Variants in SOX5 observed in about 807,000 individuals in gnomAD.
SOX5 encodes the protein SRY-box transcription factor 5.
Under a neutral mutation model 92.0 loss-of-function variants are expected in SOX5, and 9 were observed. The observed-to-expected ratio is 0.10, with a 90% CI of 0.06 to 0.17. The LOEUF (loss-of-function observed/expected upper bound fraction) is 0.17, where lower values mean the gene tolerates loss of function less well. SOX5 is among the 10% of genes least tolerant of loss of function. The pLI is 1.00. For synonymous variants in SOX5, 344 were observed against 336.3 expected (o/e 1.02, Z -0.25); for missense variants, 642 against 944.5 (o/e 0.68, Z 4.20).
At chr12:23,963,777 A>C (rs982691439) in intron 4 of SOX5, among the ~76,000 whole-genome samples, 3 of 151,476 alleles carry the variant, frequency 2.0e-5, no homozygotes, top group African/African-American at 7.3e-5. Context: ...AAAAAAAAAA[A>C]AAAAAACTGG....
At chr12:23,933,336 A>T (rs542674050) in intron 1 of SOX5, among the ~76,000 whole-genome samples, 4 of 151,732 alleles carry the variant, frequency 2.6e-5, no homozygotes, top group South Asian at 4.1e-4. Context: ...AGAGTCTGGT[A>T]CTATCCATGG....
intron 3 of SOX5, 113 bp from the exon 4 acceptor site, chr12:23,755,837 A>G: frequency 1.6e-6 from 1 of 613,694 alleles, no homozygotes; most frequent in Non-Finnish European, 2.8e-6. Flanking sequence ...CCCACTTCAT[A>G]ATGGCTTCAT....
intron 1 of SOX5, among the ~76,000 whole-genome samples, chr12:23,926,896 C>T (rs1257929619): frequency 1.3e-5 from 2 of 151,912 alleles, no homozygotes; most frequent in East Asian, 1.9e-4. Flanking sequence ...AAGCCTATCC[C>T]AGAGGACTTA....
chr12:24,556,030 G>A (rs1953746777), intron 1 of SOX5, among the ~76,000 whole-genome samples: 1 of 152,174 alleles, frequency 6.6e-6, no homozygotes, highest in Non-Finnish European at 1.5e-5. Context: ...TCCAATGGCT[G>A]ACTCTTATTT....
chr12:24,125,511 G>A lies in SOX5; in HGVS notation c.-2+87832C>T, dbSNP rs140959195. The stretch of plus-strand genomic sequence containing the variant: ...GCATGAAATAACATCTTGCCTCCCC[G>A]TCGTTACAGGTACCATTTTGCCCCT... On this transcript the variant is annotated intron_variant, in intron 4 of 4. Coordinates refer to the SOX5 transcript ENST00000446891. Among the ~76,000 whole-genome samples, 22 of 152,212 alleles carry A rather than the reference G, an allele frequency of 1.4e-4. 1 individual carries two copies. Among genetic ancestry groups the A allele is most frequent in the African/African-American group, 1.9e-4 (8 of 41,514 alleles).
intron 2 of SOX5, among the ~76,000 whole-genome samples, chr12:24,299,786 C>T (rs1947741744): frequency 6.6e-6 from 1 of 152,088 alleles, no homozygotes; most frequent in Non-Finnish European, 1.5e-5. Flanking sequence ...CGAAGCTCTG[C>T]ATCAAACAAA....
At chr12:24,415,423 T>C (rs1204994888) in intron 1 of SOX5, among the ~76,000 whole-genome samples, 1 of 150,634 alleles carries the variant, frequency 6.6e-6, no homozygotes, top group Non-Finnish European at 1.5e-5. Context: ...TATTTTAATG[T>C]TTTTTTTATA....
intron 6 of SOX5, among the ~76,000 whole-genome samples, chr12:23,670,051 G>A (rs549170299): frequency 1.2e-4 from 19 of 152,210 alleles, no homozygotes; most frequent in African/African-American, 4.1e-4. Flanking sequence ...GAGGAAAGGT[G>A]CCTATCGGCA....
At chr12:24,455,640 T>C (rs1008697810) in intron 1 of SOX5, among the ~76,000 whole-genome samples, 3 of 152,212 alleles carry the variant, frequency 2.0e-5, no homozygotes, top group Non-Finnish European at 2.9e-5. Context: ...AGCATTTCCC[T>C]AAACATCCCT....
At chr12:23,882,220 T>C (rs2097000713) in intron 2 of SOX5, among the ~76,000 whole-genome samples, 1 of 152,082 alleles carries the variant, frequency 6.6e-6, no homozygotes, top group Non-Finnish European at 1.5e-5. Context: ...AAGCCCCTCT[T>C]GCTGGTAACA....
chr12:24,545,673 G>A (rs1250758630), intron 1 of SOX5, among the ~76,000 whole-genome samples: 1 of 152,200 alleles, frequency 6.6e-6, no homozygotes, highest in Non-Finnish European at 1.5e-5. Context: ...CAGAAAGGTT[G>A]TTTGTAGTGG....
chr12:23,532,144 T>TACA lies in SOX5; in HGVS notation c.*2072_*2074dup, dbSNP rs1185749653. 1 of 151,366 alleles carries TACA rather than the reference T, an allele frequency of 6.6e-6. No individual in the cohort carries two copies. Among genetic ancestry groups the TACA allele is most frequent in the African/African-American group, 2.4e-5 (1 of 41,228 alleles). The allele number at this position is 151,366 out of a possible 1,614,324, so 9.4% of individuals were successfully genotyped here. A position where few individuals can be genotyped will look rare whatever the true frequency, so the allele number is the denominator to read the frequency against. ...ATTATTATTTTATCATCATCATCAT[T>TACA]ACAACACTAGCAAAAAGAGGCAGTT... On this transcript the variant is annotated 3_prime_UTR_variant, in exon 15 of 15. Coordinates refer to ENST00000451604, the MANE Select transcript of SOX5 (RefSeq NM_006940.6).
chr12:24,417,811 T>C (rs1421148733), intron 1 of SOX5, among the ~76,000 whole-genome samples: 1 of 152,140 alleles, frequency 6.6e-6, no homozygotes, highest in Non-Finnish European at 1.5e-5. Flanking sequence ...CAGGACACTC[T>C]CTGACCTGGA....
chr12:23,658,929 A>C (rs994242787), intron 7 of SOX5, among the ~76,000 whole-genome samples: 3 of 152,178 alleles, frequency 2.0e-5, no homozygotes, highest in African/African-American at 7.2e-5. Context: ...AACAAAAAAC[A>C]GAAGCCTAAA....
intron 1 of SOX5, among the ~76,000 whole-genome samples, chr12:24,500,119 C>T (rs4963766): frequency 0.28 from 41,839 of 151,886 alleles, 6,892 homozygotes; most frequent in East Asian, 0.71. Flanking sequence ...TGACATAGAG[C>T]TTTGTGTCAT....
intron 6 of SOX5, among the ~76,000 whole-genome samples, chr12:23,697,029 T>C (rs2089975545): frequency 6.6e-6 from 1 of 152,184 alleles, no homozygotes; most frequent in East Asian, 1.9e-4. Context: ...GCTTGCTAAA[T>C]ATTCTGTGTG....
intron 2 of SOX5, among the ~76,000 whole-genome samples, chr12:24,344,382 G>T (rs964419760): frequency 1.3e-5 from 2 of 150,530 alleles, no homozygotes; most frequent in Admixed American, 6.6e-5. Context: ...TGCTCTCATT[G>T]CTGCTTGGCC....
chr12:24,479,681 G>A lies in SOX5; in HGVS notation c.-251+82648C>T, dbSNP rs184626856. On this transcript the variant is annotated intron_variant, in intron 1 of 4. Transcript: ENST00000446891. ...TATTTATTCATTTTTTTTTTGGTGT[G>A]GGGGGACAGAGTCTCACTCTGTCGT... is the stretch of plus-strand genomic sequence containing the variant. Among the ~76,000 whole-genome samples, 627 of 150,490 alleles carry A rather than the reference G, an allele frequency of 4.2e-3. 9 individuals are homozygous for A. Among genetic ancestry groups the A allele is most frequent in the South Asian group, 0.029 (139 of 4,776 alleles).
At chr12:24,058,291 A>G (rs946382545) in intron 4 of SOX5, among the ~76,000 whole-genome samples, 13 of 152,238 alleles carry the variant, frequency 8.5e-5, no homozygotes, top group African/African-American at 3.1e-4. Context: ...CGATGTGCAC[A>G]ATATTTTTTG....
Sources: allele counts gnomAD v4.1 joint callset (sites outside exome capture counted in the v4.1 genomes callset), GRCh38; gene constraint gnomAD v4.1.1; transcripts MANE v1.5; gene names NCBI Gene and HGNC (gene_info 2026-07-23, HGNC 2026-07-21).